Variants in ATP10D observed in about 807,000 individuals in gnomAD.
ATP10D encodes the protein ATPase phospholipid transporting 10D (putative).
Under a neutral mutation model 144.8 loss-of-function variants are expected in ATP10D, and 89 were observed. The ratio of observed to expected loss-of-function variants is 0.61; its 90% CI spans 0.52 to 0.73. The LOEUF is 0.73. ATP10D is among the 30% of genes least tolerant of loss of function. The pLI is 0.00. For missense variants in ATP10D, 1,603 were observed against 1,714.8 expected (o/e 0.93, Z 1.15); for synonymous variants, 571 against 615.1 (o/e 0.93, Z 1.06).
At position 47,591,284 on chromosome 4, in the gene ATP10D, AAGGAAACTT is replaced by A. The variant is rs536235043; in HGVS notation, c.4186_4194del (p.Gly1396_Leu1398del). 6.2e-7 allele frequency: 1 copy of A among 1,613,572 alleles called. No homozygotes were observed. Among genetic ancestry groups the A allele is most frequent in the African/African-American group, 1.3e-5 (1 of 74,998 alleles). On this transcript the variant is annotated inframe_deletion, in exon 23 of 23. Transcript: ENST00000273859. ...TCAGCAAGTTCCTGTGCTATTGAGC[AAGGAAACTT>A]ATCTCTGTGTGAAACTGCTTTAGAT...
intron 8 of ATP10D, 26 bp downstream of exon 8, chr4:47,536,590 G>A: frequency 6.2e-7 from 1 of 1,609,172 alleles, no homozygotes; most frequent in Non-Finnish European, 8.5e-7. Context: ...GCTTATGGTA[G>A]AATTTTAACA....
chr4:47,559,061 G>GT, intron 13 of ATP10D, 32 bp downstream of exon 13: 4 of 1,563,890 alleles, frequency 2.6e-6, no homozygotes, highest in Non-Finnish European at 3.5e-6. Flanking sequence ...CATCTTTTTT[G>GT]TTTTTTCCCT....
chr4:47,516,163 G>A (rs1030852851), intron 3 of ATP10D, among the ~76,000 whole-genome samples: 4 of 151,946 alleles, frequency 2.6e-5, no homozygotes, highest in Admixed American at 2.6e-4. Context: ...CCAGGAGGGG[G>A]AGGTTGCAGT....
At chr4:47,531,407 G>A (rs1717562068) in intron 5 of ATP10D, among the ~76,000 whole-genome samples, 1 of 152,194 alleles carries the variant, frequency 6.6e-6, no homozygotes, top group Admixed American at 6.5e-5. Flanking sequence ...AGCAACATAG[G>A]CAAGAGCACA....
chr4:47,508,108 A>T (rs1227770491), intron 1 of ATP10D, among the ~76,000 whole-genome samples: 1 of 152,160 alleles, frequency 6.6e-6, no homozygotes, highest in Non-Finnish European at 1.5e-5. Context: ...AGTGATTCTT[A>T]TCAGGGGGTC....
At chr4:47,486,563 A>G (rs1381342163) in intron 1 of ATP10D, among the ~76,000 whole-genome samples, 4 of 152,250 alleles carry the variant, frequency 2.6e-5, no homozygotes, top group Non-Finnish European at 5.9e-5. Context: ...TGACTTGTGA[A>G]GAGCAAAAAT....
chr4:47,516,617 C>G (rs1181486045), intron 3 of ATP10D, among the ~76,000 whole-genome samples: 1 of 152,122 alleles, frequency 6.6e-6, no homozygotes, highest in Non-Finnish European at 1.5e-5. Flanking sequence ...CTGCAGAATT[C>G]GTATTTTGTT....
At position 47,578,081 on chromosome 4, in the gene ATP10D, C is replaced by A. The variant is rs1200579117; in HGVS notation, c.3567+1108C>A. ...GTTTCCTGTTGTTGAATCCTCTCAC[C>A]AATCCTTGTACACGCTGTTCTAGTG... On this transcript the variant is annotated intron_variant, in intron 19 of 22. Transcript: ENST00000273859. Among the ~76,000 whole-genome samples the A allele has an allele frequency of 2.0e-5, 3 of 152,166 alleles. No individual in the cohort carries two copies. In the East Asian group the frequency reaches 5.8e-4, roughly 29 times the overall value.
At chr4:47,574,360 A>G (rs1252343989) in intron 18 of ATP10D, among the ~76,000 whole-genome samples, 1 of 152,192 alleles carries the variant, frequency 6.6e-6, no homozygotes, top group Non-Finnish European at 1.5e-5. Context: ...GACTTAATTG[A>G]TATCTCTTAT....
At chr4:47,579,729 C>T (rs1230426039) in intron 19 of ATP10D, among the ~76,000 whole-genome samples, 1 of 152,154 alleles carries the variant, frequency 6.6e-6, no homozygotes, top group Non-Finnish European at 1.5e-5. Context: ...CCATGTAGGA[C>T]CTTATAGGTC....
Position 47,546,641 on chromosome 4 carries a change from T to C in ATP10D, c.1414T>C (p.Tyr472His). ...TCCCACAGCCAGGAGGTTGGAGTCC[T>C]ATCAGGAAGCTGTCTCTGAAGATGA... ...HEENARRLES[Y>H]QEAVSEDEDF... Residue 472 changes from tyrosine (Y) to histidine (H), a missense_variant, in exon 10 of 23, where the codon TAT (tyrosine) becomes CAT (histidine). Physicochemically the swap from Tyr to His is moderately conservative, Grantham distance 83. Transcript: ENST00000273859. 6.2e-7 allele frequency: 1 copy of C among 1,614,106 alleles called. No homozygotes were observed. The highest frequency in any genetic ancestry group is 8.5e-7 in the Non-Finnish European group (1 of 1,179,950).
At chr4:47,502,663 A>G (rs911736343) in intron 1 of ATP10D, among the ~76,000 whole-genome samples, 1 of 147,586 alleles carries the variant, frequency 6.8e-6, no homozygotes, top group Non-Finnish European at 1.5e-5. Context: ...ATGTAATATT[A>G]CACATATAAA....
In ATP10D at chr4:47,526,802, CAA is replaced by C. The variant is rs1189993035; in HGVS notation, c.776+1165_776+1166del. On this transcript the variant is annotated intron_variant, in intron 5 of 22. Transcript: ENST00000273859. ...ATGGAATGCTTAAGTATAAATCTGA[CAA>C]AAAATGTGAGCTACCTGTACACTGG... 2.0e-5 allele frequency among the ~76,000 whole-genome samples: 3 copies of C among 152,010 alleles called. No homozygotes were observed. In the East Asian group the frequency reaches 5.8e-4, roughly 29 times the overall value.
intron 3 of ATP10D, among the ~76,000 whole-genome samples, chr4:47,517,914 C>T (rs1424721589): frequency 6.6e-6 from 1 of 151,996 alleles, no homozygotes; most frequent in Non-Finnish European, 1.5e-5. Flanking sequence ...GTTTGTGTTT[C>T]TTAATAGGCT....
At chr4:47,526,808 A>C (rs1418418622) in intron 5 of ATP10D, among the ~76,000 whole-genome samples, 1 of 152,158 alleles carries the variant, frequency 6.6e-6, no homozygotes, top group Non-Finnish European at 1.5e-5. Flanking sequence ...CTGACAAAAA[A>C]TGTGAGCTAC....
intron 1 of ATP10D, among the ~76,000 whole-genome samples, chr4:47,502,335 G>T (rs1379020958): frequency 1.3e-5 from 2 of 152,058 alleles, no homozygotes; most frequent in African/African-American, 4.8e-5. Flanking sequence ...GCTGGGCGTG[G>T]TGGCGGGCGC....
At chr4:47,547,091 A>T in intron 10 of ATP10D, 7 of 161,370 alleles carry the variant, frequency 4.3e-5, no homozygotes, top group Admixed American at 1.2e-4. Flanking sequence ...ACCATTTCTG[A>T]AAAAAAAAAA....
At chr4:47,572,644 CGTGTGT>C (rs72171059) in intron 17 of ATP10D, among the ~76,000 whole-genome samples, 34,413 of 145,170 alleles carry the variant, frequency 0.24, 3,995 homozygotes, top group Admixed American at 0.3. Flanking sequence ...TTTGTGCGCA[CGTGTGT>C]GTGTGTGTGT....
intron 2 of ATP10D, 87 bp downstream of exon 2, chr4:47,512,917 C>A: frequency 1.6e-6 from 2 of 1,268,084 alleles, no homozygotes; most frequent in Non-Finnish European, 2.1e-6. Context: ...CTGTATATTA[C>A]TTAAACCTAA....
Sources: allele counts gnomAD v4.1 joint callset (sites outside exome capture counted in the v4.1 genomes callset), GRCh38; gene constraint gnomAD v4.1.1; transcripts MANE v1.5; gene names NCBI Gene and HGNC (gene_info 2026-07-23, HGNC 2026-07-21).